MPP7: variants seen among roughly 807,000 people sequenced by gnomAD.
MPP7 encodes MAGUK p55 subfamily member 7.
Under a neutral mutation model 76.5 loss-of-function variants are expected in MPP7, and 60 were observed. The ratio of observed to expected loss-of-function variants is 0.78; its 90% CI spans 0.64 to 0.97. The LOEUF is 0.97. Among genes scored for constraint, MPP7 ranks in the 50% least tolerant of loss-of-function variants. The pLI, the probability that MPP7 is intolerant of heterozygous loss-of-function variation, is 0.00. For synonymous variants in MPP7, 237 were observed against 244.5 expected, an observed-to-expected ratio of 0.97 and a Z score of 0.29; for missense variants, 641 against 694.0, an observed-to-expected ratio of 0.92 and a Z score of 0.86.
At chr10:28,282,252 C>T (rs1840696431) in intron 1 of MPP7, 1 of 152,082 alleles carries the variant, frequency 6.6e-6, no homozygotes. Flanking sequence ...GCAAATGTGG[C>T]TGCCCGCTTC....
chr10:28,144,861 C>T (rs1835652653), intron 5 of MPP7, among the ~76,000 whole-genome samples: 1 of 152,146 alleles, frequency 6.6e-6, no homozygotes, highest in Non-Finnish European at 1.5e-5. Flanking sequence ...CCTCTATAAT[C>T]TGCATCCATA....
chr10:28,217,537 A>AAAAAGAAAAG (rs3064105), intron 2 of MPP7, among the ~76,000 whole-genome samples: 2,785 of 138,128 alleles, frequency 0.02, 34 homozygotes, highest in Middle Eastern at 0.044. Context: ...AAAAAAAAAA[A>AAAAAGAAAAG]AAAAGAAAAG....
intron 1 of MPP7, among the ~76,000 whole-genome samples, chr10:28,253,255 G>A (rs770516538): frequency 6.6e-6 from 1 of 152,140 alleles, no homozygotes; most frequent in Non-Finnish European, 1.5e-5. Context: ...CTTGGTAAAA[G>A]ATGAGCTGGC....
chr10:28,331,617 C>T (rs1429376471), intron 1 of MPP7, among the ~76,000 whole-genome samples: 3 of 152,092 alleles, frequency 2.0e-5, no homozygotes, highest in Non-Finnish European at 4.4e-5. Context: ...CGCTGTCACC[C>T]AGGCTGGAGT....
Position 28,124,093 on chromosome 10 carries a change from G to A in MPP7, c.553C>T (p.Leu185Phe). The A allele has an allele frequency of 1.9e-6, 3 of 1,611,348 alleles. No homozygotes were observed. Among genetic ancestry groups the A allele is most frequent in the Non-Finnish European group, 1.7e-6 (2 of 1,177,664 alleles). The change falls in exon 8 of 17, where the codon CTT becomes TTT. Residue 185 changes from leucine (L) to phenylalanine (F), a missense_variant. Leu to Phe is a conservative substitution (Grantham distance 22). Coordinates refer to ENST00000683449, the MANE Select transcript of MPP7 (RefSeq NM_001318170.2). ...ACTGGTATCCCGTTGACTTCCCTAA[G>A]TTCATCACCAACATGAATAAGACCT... ...RSGLIHVGDE[L>F]REVNGIPVED...
chr10:28,055,766 G>A (rs1029335682), intron 16 of MPP7, among the ~76,000 whole-genome samples: 1 of 152,134 alleles, frequency 6.6e-6, no homozygotes, highest in African/African-American at 2.4e-5. Flanking sequence ...GTTACTGATG[G>A]TATTTTTAGC....
chr10:28,289,461 G>C (rs143081089), intron 1 of MPP7: 1 of 152,268 alleles, frequency 6.6e-6, no homozygotes, highest in African/African-American at 2.4e-5. Context: ...TTAACAGACT[G>C]GTAAATTCTT....
At chr10:28,066,850 G>A (rs1184790190) in intron 13 of MPP7, among the ~76,000 whole-genome samples, 1 of 152,144 alleles carries the variant, frequency 6.6e-6, no homozygotes, top group East Asian at 1.9e-4. Flanking sequence ...GTTGAAGATT[G>A]TTCATTCTCA....
chr10:28,330,352 T>A (rs987463759), intron 1 of MPP7, among the ~76,000 whole-genome samples: 1 of 152,072 alleles, frequency 6.6e-6, no homozygotes, highest in Non-Finnish European at 1.5e-5. Context: ...GAGAAGAAAT[T>A]CCAAAATGTC....
At chr10:28,232,393 AT>A (rs1838918805) in intron 2 of MPP7, among the ~76,000 whole-genome samples, 1 of 148,990 alleles carries the variant, frequency 6.7e-6, no homozygotes, top group South Asian at 2.2e-4. Context: ...ACACACACAA[AT>A]TGATTGGTAA....
At chr10:28,215,557 G>A (rs1021969893) in intron 2 of MPP7, among the ~76,000 whole-genome samples, 2 of 152,174 alleles carry the variant, frequency 1.3e-5, no homozygotes, top group Non-Finnish European at 2.9e-5. Flanking sequence ...AGGAAGCACA[G>A]ACATTAACTT....
At chr10:28,175,434 T>C (rs1757427486) in intron 3 of MPP7, among the ~76,000 whole-genome samples, 1 of 69,574 alleles carries the variant, frequency 1.4e-5, no homozygotes. Context: ...TTTGGGGTTC[T>C]GCAGGAATTT....
chr10:28,128,031 C>A (rs143310767), intron 6 of MPP7, among the ~76,000 whole-genome samples: 7 of 152,128 alleles, frequency 4.6e-5, no homozygotes, highest in Non-Finnish European at 7.4e-5. Context: ...AGAGGAGCGG[C>A]AAGAGGAGAT....
intron 11 of MPP7, among the ~76,000 whole-genome samples, chr10:28,091,655 G>A (rs1853311660): frequency 6.6e-6 from 1 of 152,146 alleles, no homozygotes; most frequent in African/African-American, 2.4e-5. Flanking sequence ...ACTAATCTGT[G>A]TGGATTTTAG....
chr10:28,265,344 A>G (rs1840115419), intron 1 of MPP7, among the ~76,000 whole-genome samples: 1 of 152,164 alleles, frequency 6.6e-6, no homozygotes, highest in African/African-American at 2.4e-5. Context: ...GGACTGCTTG[A>G]GCTCAGGAGT....
At chr10:28,092,182 A>C (rs1853338515) in intron 11 of MPP7, among the ~76,000 whole-genome samples, 3 of 152,362 alleles carry the variant, frequency 2.0e-5, no homozygotes, top group South Asian at 4.1e-4. Flanking sequence ...AGAGTGACTA[A>C]AGTTTATCTG....
At chr10:28,148,575 A>G (rs941250912) in intron 4 of MPP7, among the ~76,000 whole-genome samples, 1 of 152,222 alleles carries the variant, frequency 6.6e-6, no homozygotes, top group African/African-American at 2.4e-5. Context: ...ATAAAATCAT[A>G]GAAAATTATA....
At chr10:28,163,892 TA>T (rs1305714088) in intron 3 of MPP7, among the ~76,000 whole-genome samples, 3 of 118,544 alleles carry the variant, frequency 2.5e-5, no homozygotes, top group South Asian at 2.7e-4. Flanking sequence ...GCCTGGGTGA[TA>T]AAACTCCAGA....
chr10:28,277,968 T>C (rs1414946844), intron 1 of MPP7, among the ~76,000 whole-genome samples: 1 of 152,046 alleles, frequency 6.6e-6, no homozygotes, highest in Admixed American at 6.5e-5. Flanking sequence ...TTGAGTGACA[T>C]GAAGAGCTAT....
Sources: allele counts gnomAD v4.1 joint callset (sites outside exome capture counted in the v4.1 genomes callset), GRCh38; gene constraint gnomAD v4.1.1; transcripts MANE v1.5; gene names NCBI Gene and HGNC (gene_info 2026-07-23, HGNC 2026-07-21).